MEIS2: variants seen among roughly 807,000 people sequenced by gnomAD.
The protein encoded by MEIS2 is Meis homeobox 2, also known as homeobox protein Meis2.
In MEIS2, 9 loss-of-function variants were observed where a neutral mutation model predicts 58.6. The observed-to-expected ratio is 0.15, with a 90% CI of 0.09 to 0.27. The LOEUF is 0.27. Ranked by LOEUF, MEIS2 falls within the 10% of genes least tolerant of loss-of-function variation. The probability of loss-of-function intolerance (pLI) is 1.00; values close to 1 mark genes in which losing one functional copy is unlikely to be tolerated. For missense variants in MEIS2, 427 were observed against 635.0 expected (o/e 0.67, Z 3.52); for synonymous variants, 221 against 228.4 (o/e 0.97, Z 0.29).
At chr15:36,897,552 T>A (rs1468873919) in intron 9 of MEIS2, 4 of 152,222 alleles carry the variant, frequency 2.6e-5, no homozygotes, top group African/African-American at 9.6e-5. Context: ...CCATCAAATA[T>A]TCATGTACAA....
At chr15:36,948,823 A>G (rs902973890) in intron 9 of MEIS2, among the ~76,000 whole-genome samples, 3 of 152,004 alleles carry the variant, frequency 2.0e-5, no homozygotes, top group African/African-American at 7.2e-5. Flanking sequence ...ATAATCACAT[A>G]CACATCCCCC....
intron 7 of MEIS2, among the ~76,000 whole-genome samples, chr15:37,068,097 T>C (rs748626663): frequency 6.6e-6 from 1 of 152,180 alleles, no homozygotes; most frequent in African/African-American, 2.4e-5. Flanking sequence ...ATTTTAGAAA[T>C]GAGGAAATTT....
At chr15:36,921,263 T>C (rs2057495467) in intron 9 of MEIS2, among the ~76,000 whole-genome samples, 1 of 152,088 alleles carries the variant, frequency 6.6e-6, no homozygotes, top group Non-Finnish European at 1.5e-5. Flanking sequence ...CCCTGAGGAT[T>C]ACATCAATCA....
At chr15:36,984,664 G>A (rs2060039380) in intron 8 of MEIS2, among the ~76,000 whole-genome samples, 1 of 152,094 alleles carries the variant, frequency 6.6e-6, no homozygotes, top group Non-Finnish European at 1.5e-5. Context: ...AGAAGGACTG[G>A]TGTTAATTCT....
At chr15:36,946,810 C>T (rs2058582552) in intron 9 of MEIS2, among the ~76,000 whole-genome samples, 1 of 152,090 alleles carries the variant, frequency 6.6e-6, no homozygotes, top group African/African-American at 2.4e-5. Flanking sequence ...GAAGGTCAAA[C>T]ATCTATCAAA....
At chr15:37,029,768 C>T (rs2061841728) in intron 8 of MEIS2, among the ~76,000 whole-genome samples, 2 of 152,170 alleles carry the variant, frequency 1.3e-5, no homozygotes, top group African/African-American at 4.8e-5. Flanking sequence ...GGGCAGATAA[C>T]TTTCATTTTG....
At chr15:37,017,560 G>A (rs1273546880) in intron 8 of MEIS2, among the ~76,000 whole-genome samples, 2 of 152,150 alleles carry the variant, frequency 1.3e-5, no homozygotes, top group African/African-American at 2.4e-5. Flanking sequence ...CTATGATGGT[G>A]CCACTGCACT....
At chr15:36,924,762 T>C (rs1281824276) in intron 9 of MEIS2, among the ~76,000 whole-genome samples, 3 of 152,162 alleles carry the variant, frequency 2.0e-5, no homozygotes. Flanking sequence ...ATCGGGTCAG[T>C]CTCAACTCCA....
intron 7 of MEIS2, among the ~76,000 whole-genome samples, chr15:37,057,977 G>GATTT (rs1888667186): frequency 6.6e-6 from 1 of 152,184 alleles, no homozygotes; most frequent in Admixed American, 6.5e-5. Flanking sequence ...CCAACATGGT[G>GATTT]CTTCTTTTCA....
intron 9 of MEIS2, among the ~76,000 whole-genome samples, chr15:36,929,663 C>A (rs147972796): frequency 1.3e-5 from 2 of 152,320 alleles, no homozygotes; most frequent in African/African-American, 2.4e-5. Flanking sequence ...TCTGAATAGA[C>A]CTCACCTAGC....
chr15:36,902,053 A>G (rs2056502448), intron 9 of MEIS2, among the ~76,000 whole-genome samples: 1 of 152,156 alleles, frequency 6.6e-6, no homozygotes, highest in Non-Finnish European at 1.5e-5. Flanking sequence ...TCTGTTTCCT[A>G]TCTGTAAACT....
chr15:36,956,950 G>A (rs1158152501), intron 8 of MEIS2, among the ~76,000 whole-genome samples: 2 of 147,102 alleles, frequency 1.4e-5, no homozygotes, highest in African/African-American at 5.0e-5. Context: ...GAAGAAAAAG[G>A]AAAAGAATAA....
chr15:37,006,951 T>A (rs2060943593), intron 8 of MEIS2, among the ~76,000 whole-genome samples: 1 of 152,220 alleles, frequency 6.6e-6, no homozygotes, highest in Non-Finnish European at 1.5e-5. Context: ...TGTCTTACAC[T>A]GATAGCCGAG....
intron 7 of MEIS2, among the ~76,000 whole-genome samples, chr15:37,071,847 C>A (rs1890750836): frequency 6.6e-6 from 1 of 152,058 alleles, no homozygotes; most frequent in Non-Finnish European, 1.5e-5. Flanking sequence ...ATTATTCACC[C>A]AACATGCATC....
At chr15:37,066,086 T>TTAATTTC (rs1889886354) in intron 7 of MEIS2, among the ~76,000 whole-genome samples, 1 of 152,200 alleles carries the variant, frequency 6.6e-6, no homozygotes, top group Non-Finnish European at 1.5e-5. Context: ...AATTGCCAAT[T>TTAATTTC]TAATTTCTAA....
At chr15:37,054,961 C>T (rs541960914) in intron 7 of MEIS2, among the ~76,000 whole-genome samples, 3 of 152,314 alleles carry the variant, frequency 2.0e-5, no homozygotes, top group East Asian at 3.9e-4. Context: ...AGACACTCTG[C>T]TAAACACTTT....
chr15:36,999,542 C>T (rs1464789902), intron 8 of MEIS2, among the ~76,000 whole-genome samples: 1 of 152,162 alleles, frequency 6.6e-6, no homozygotes, highest in East Asian at 1.9e-4. Flanking sequence ...AGGCTCCAGC[C>T]TATGGTAGCA....
intron 7 of MEIS2, among the ~76,000 whole-genome samples, chr15:37,069,301 A>G (rs2141867223): frequency 6.6e-6 from 1 of 152,334 alleles, no homozygotes; most frequent in East Asian, 1.9e-4. Flanking sequence ...AAGGTCACTG[A>G]TTCTCCCAAT....
chr15:36,923,710 C>T (rs1365986738), intron 9 of MEIS2, among the ~76,000 whole-genome samples: 5 of 152,192 alleles, frequency 3.3e-5, no homozygotes, highest in Non-Finnish European at 7.3e-5. Context: ...CTCACTGAGT[C>T]CTGTCAGTTT....
Sources: gnomAD v4.1 joint callset for allele counts (sites outside exome capture counted in the v4.1 genomes callset) on GRCh38, gnomAD v4.1.1 for gene constraint, MANE v1.5 for transcripts, NCBI Gene and HGNC (gene_info 2026-07-23, HGNC 2026-07-21) for gene names.